ATPAF1: variants seen among roughly 807,000 people sequenced by gnomAD.
ATPAF1 encodes homolog of yeast ATP11.
In ATPAF1, 26 loss-of-function variants were observed where a neutral mutation model predicts 43.9. The observed-to-expected ratio is 0.59, with a 90% CI of 0.43 to 0.82. The LOEUF (loss-of-function observed/expected upper bound fraction) is 0.82. Among genes scored for constraint, ATPAF1 ranks in the 40% least tolerant of loss-of-function variants. The pLI is 0.00. For synonymous variants in ATPAF1, 157 were observed against 168.0 expected, an observed-to-expected ratio of 0.93 and a Z score of 0.50; for missense variants, 366 against 435.0, an observed-to-expected ratio of 0.84 and a Z score of 1.41.
intron 4 of ATPAF1, among the ~76,000 whole-genome samples, chr1:46,654,528 T>TTTATTTATTATTATTA (rs1553218331): frequency 2.2e-5 from 3 of 135,264 alleles, no homozygotes; most frequent in African/African-American, 9.0e-5. Context: ...TATTTATTTA[T>TTTATTTATTATTATTA]TTATTATTAT....
intron 2 of ATPAF1, chr1:46,663,733 C>T: frequency 1.8e-6 from 1 of 551,196 alleles, no homozygotes; most frequent in South Asian, 4.9e-5. Context: ...ACTTAAAATT[C>T]AGGATACCCA....
chr1:46,638,022 C>G (rs1296783956), intron 8 of ATPAF1, among the ~76,000 whole-genome samples: 3 of 152,308 alleles, frequency 2.0e-5, no homozygotes, highest in Middle Eastern at 3.4e-3. Context: ...TTCTTAAATT[C>G]ACACATGCCT....
At chr1:46,649,256 T>C (rs1415217458) in intron 6 of ATPAF1, among the ~76,000 whole-genome samples, 3 of 152,126 alleles carry the variant, frequency 2.0e-5, no homozygotes, top group Non-Finnish European at 4.4e-5. Flanking sequence ...TTTTTGTGCA[T>C]GATATTCAAT....
At chr1:46,634,233 T>C, downstream of ATPAF1, 1 of 216,514 alleles carries the variant, frequency 4.6e-6, no homozygotes, top group South Asian at 7.1e-5. Flanking sequence ...AAACTGCGAA[T>C]ACTGCTTAAA....
At chr1:46,658,541 T>C (rs1676321203) in intron 3 of ATPAF1, 146 bp downstream of exon 3, 2 of 612,488 alleles carry the variant, frequency 3.3e-6, no homozygotes, top group South Asian at 2.4e-5. Context: ...ACAAAGTTCA[T>C]AGAAATATTT....
At chr1:46,663,055 A>C (rs927298126) in intron 2 of ATPAF1, among the ~76,000 whole-genome samples, 8 of 152,188 alleles carry the variant, frequency 5.3e-5, no homozygotes, top group African/African-American at 1.9e-4. Flanking sequence ...TCCTTGCGAT[A>C]GTTTGCTGAG....
intron 5 of ATPAF1, among the ~76,000 whole-genome samples, chr1:46,652,873 T>C (rs1208796951): frequency 1.3e-5 from 2 of 152,146 alleles, no homozygotes; most frequent in Non-Finnish European, 2.9e-5. Flanking sequence ...ACTTTAACAA[T>C]TGTCAGAGAC....
intron 6 of ATPAF1, among the ~76,000 whole-genome samples, chr1:46,652,090 T>C (rs1288447795): frequency 2.6e-5 from 4 of 151,796 alleles, no homozygotes; most frequent in Non-Finnish European, 5.9e-5. Flanking sequence ...TTTGAGGTGA[T>C]AGATGTGCTA....
intron 1 of ATPAF1, chr1:46,665,579 T>C: frequency 7.8e-7 from 1 of 1,280,928 alleles, no homozygotes; most frequent in Non-Finnish European, 1.1e-6. Flanking sequence ...TCAAGGGGCC[T>C]GTGTAACATT....
intron 6 of ATPAF1, among the ~76,000 whole-genome samples, chr1:46,647,503 T>C (rs78695289): frequency 5.3e-5 from 8 of 150,716 alleles, no homozygotes; most frequent in Non-Finnish European, 8.9e-5. Context: ...TATACACACA[T>C]ACACACACAC....
intron 2 of ATPAF1, among the ~76,000 whole-genome samples, chr1:46,661,076 GTTT>G (rs750804116): frequency 7.0e-6 from 1 of 142,874 alleles, no homozygotes. Context: ...GGTTTTGGAG[GTTT>G]TTTTTTTTTT....
chr1:46,649,100 T>C (rs1456849823), intron 6 of ATPAF1, among the ~76,000 whole-genome samples: 2 of 148,180 alleles, frequency 1.3e-5, no homozygotes, highest in Admixed American at 6.9e-5. Context: ...AGGTGGAGGT[T>C]GCAGTGAGCT....
chr1:46,661,163 C>T lies in ATPAF1; in HGVS notation c.376-2426G>A, dbSNP rs552658908. ...TCTCCGCTCACTGCAACCTCCGCCTCCCGGGTTCAAGCAATTCTCCTGCCT... is the reference window on the plus strand; with the variant it reads ...TCTCCGCTCACTGCAACCTCCGCCTTCCGGGTTCAAGCAATTCTCCTGCCT... On this transcript the variant is annotated intron_variant, in intron 2 of 8. Coordinates refer to ENST00000574428, the Ensembl canonical transcript of ATPAF1. Among the ~76,000 whole-genome samples the T allele has an allele frequency of 4.0e-5, 6 of 151,874 alleles. No homozygotes were observed. In the East Asian group the frequency reaches 9.7e-4, roughly 24 times the overall value.
At chr1:46,663,117 A>C (rs1362144814) in intron 2 of ATPAF1, among the ~76,000 whole-genome samples, 5 of 152,224 alleles carry the variant, frequency 3.3e-5, no homozygotes, top group South Asian at 4.1e-4. Context: ...TGAACTCATC[A>C]TTTTTTATGG....
rs548989653 is a variant in ATPAF1 at position 46,665,536 on chromosome 1, A to T, written c.267-172T>A. ...AGGCCTAGAAATAAAGAAACTGGAA[A>T]AAGAAATCCTGTTATTCAACTGTTG... On this transcript the variant is annotated intron_variant, in intron 1 of 8. Coordinates refer to ENST00000574428, the Ensembl canonical transcript of ATPAF1. 66 of 1,228,386 alleles carry T rather than the reference A, an allele frequency of 5.4e-5. No homozygotes were observed. The South Asian group carries it at 8.8e-4, about 16-fold the overall frequency. 76.1% of individuals were successfully genotyped at this position (1,228,386 alleles called of 1,614,324 possible). A position where few individuals can be genotyped will look rare whatever the true frequency, so the allele number is the denominator to read the frequency against.
At chr1:46,649,584 G>C (rs1263114751) in intron 6 of ATPAF1, among the ~76,000 whole-genome samples, 1 of 152,124 alleles carries the variant, frequency 6.6e-6, no homozygotes, top group Non-Finnish European at 1.5e-5. Context: ...GTTTTGATTA[G>C]TATTGTATTT....
At chr1:46,649,587 T>C (rs1676124726) in intron 6 of ATPAF1, among the ~76,000 whole-genome samples, 1 of 152,230 alleles carries the variant, frequency 6.6e-6, no homozygotes, top group South Asian at 2.1e-4. Context: ...TTGATTAGTA[T>C]TGTATTTCAT....
intron 5 of ATPAF1, 104 bp from the exon 6 acceptor site, chr1:46,652,732 T>G: frequency 2.1e-6 from 2 of 954,792 alleles, no homozygotes; most frequent in Non-Finnish European, 3.2e-6. Context: ...ATAATACAAC[T>G]AAAACAGTCA....
chr1:46,654,786 C>T lies in ATPAF1; in HGVS notation c.490-919G>A, dbSNP rs11811472. 3.2e-3 allele frequency among the ~76,000 whole-genome samples: 488 copies of T among 151,940 alleles called. 2 individuals are homozygous for T. The highest frequency in any genetic ancestry group is 0.011 in the African/African-American group (464 of 41,408). On this transcript the variant is annotated intron_variant, in intron 4 of 8. Coordinates refer to ENST00000574428, the Ensembl canonical transcript of ATPAF1. Reference sequence around the variant, plus strand: ...ACTCTCACTTATGAGTGAGAACATGCGGTGTTTGGTTTTCTGTCCTTGTGA... The same window carrying T: ...ACTCTCACTTATGAGTGAGAACATGTGGTGTTTGGTTTTCTGTCCTTGTGA...
Sources: gnomAD v4.1 joint callset for allele counts (sites outside exome capture counted in the v4.1 genomes callset) on GRCh38, gnomAD v4.1.1 for gene constraint, MANE v1.5 for transcripts, NCBI Gene and HGNC (gene_info 2026-07-23, HGNC 2026-07-21) for gene names.